SLA: variants seen among roughly 807,000 people sequenced by gnomAD.
SLA encodes the protein Src like adaptor.
SLA carries 16 observed loss-of-function variants against 30.3 expected under a neutral mutation model. That is an observed-to-expected ratio of 0.53 (90% CI 0.36 to 0.80). The LOEUF (loss-of-function observed/expected upper bound fraction) is 0.80, where lower values mean the gene tolerates loss of function less well. SLA is among the 30% of genes least tolerant of loss of function. The probability of loss-of-function intolerance (pLI) is 0.01; values close to 1 mark genes in which losing one functional copy is unlikely to be tolerated. For missense variants in SLA, 310 were observed against 345.2 expected (o/e 0.90, Z 0.81); for synonymous variants, 143 against 137.8 (o/e 1.04, Z -0.26).
At chr8:133,043,857 G>A (rs1047733792) in intron 7 of SLA, among the ~76,000 whole-genome samples, 1 of 152,198 alleles carries the variant, frequency 6.6e-6, no homozygotes, top group Non-Finnish European at 1.5e-5. Flanking sequence ...ACCCAGAAGG[G>A]GGAAGATGCT....
chr8:133,042,678 CTTTTTTTTTTTTTTTTTT>C (rs58739514), intron 7 of SLA, among the ~76,000 whole-genome samples: 6 of 56,732 alleles, frequency 1.1e-4, no homozygotes, highest in African/African-American at 1.4e-4. Context: ...CATTCTGTGT[CTTTTTTTTTTTTTTTTTT>C]TTTTTTTTTT....
intron 2 of SLA, among the ~76,000 whole-genome samples, chr8:133,062,030 C>G (rs867376116): frequency 6.6e-6 from 1 of 152,214 alleles, no homozygotes; most frequent in Non-Finnish European, 1.5e-5. Flanking sequence ...AAGACAATGA[C>G]CAGGCTCGCA....
At position 133,038,542 on chromosome 8, in the gene SLA, T is replaced by A; in HGVS notation, c.813A>T (p.Pro271=). 1.9e-6 allele frequency: 3 copies of A among 1,612,696 alleles called. No homozygotes were observed. The highest frequency in any genetic ancestry group is 1.7e-6 in the Non-Finnish European group (2 of 1,178,722). ...SKRKSSFFSS[P]PYFED is the part of the protein sequence containing the mutation. The stretch of plus-strand genomic sequence containing the variant: ...TTCTTGGCTAGTCCTCAAAGTAAGG[T>A]GGTGATGAGAAGAATGAGCTCTTTC... The change falls in exon 9 of 9, where the codon CCA becomes CCT. Residue 271 remains proline (P), a synonymous_variant. Transcript: ENST00000338087.
chr8:133,090,852 C>T (rs1298175140), intron 1 of SLA, among the ~76,000 whole-genome samples: 2 of 152,160 alleles, frequency 1.3e-5, no homozygotes, highest in African/African-American at 4.8e-5. Flanking sequence ...GAGCTTTTTA[C>T]TTTGCTTTGG....
chr8:133,049,065 C>G (rs989298160), intron 5 of SLA: 6 of 436,928 alleles, frequency 1.4e-5, no homozygotes, highest in African/African-American at 1.0e-4. Flanking sequence ...TAATGTAACT[C>G]CAGGAGGTGA....
At chr8:133,091,370 G>A (rs972531292) in intron 1 of SLA, among the ~76,000 whole-genome samples, 10 of 152,210 alleles carry the variant, frequency 6.6e-5, no homozygotes, top group African/African-American at 1.4e-4. Flanking sequence ...AGGCGTGCCA[G>A]GAGGGAGGCG....
intron 8 of SLA, among the ~76,000 whole-genome samples, chr8:133,039,122 G>T (rs1274573663): frequency 6.6e-6 from 1 of 152,138 alleles, no homozygotes; most frequent in African/African-American, 2.4e-5. Flanking sequence ...TAGGTGATCT[G>T]CCCACCTCAG....
At chr8:133,057,961 A>G (rs574478646) in intron 3 of SLA, among the ~76,000 whole-genome samples, 1 of 152,208 alleles carries the variant, frequency 6.6e-6, no homozygotes, top group African/African-American at 2.4e-5. Context: ...CCTCTCTGGC[A>G]CTGAAGCTAA....
intron 1 of SLA, among the ~76,000 whole-genome samples, chr8:133,079,429 C>T (rs1283593328): frequency 6.6e-6 from 1 of 152,170 alleles, no homozygotes; most frequent in African/African-American, 2.4e-5. Flanking sequence ...TAAAAACTAG[C>T]TTTACATACT....
At chr8:133,062,184 G>C (rs1245957428) in intron 2 of SLA, among the ~76,000 whole-genome samples, 1 of 152,098 alleles carries the variant, frequency 6.6e-6, no homozygotes, top group Non-Finnish European at 1.5e-5. Context: ...TGAGGCTCGG[G>C]CCCTTCTTTC....
At chr8:133,081,281 C>T (rs1845702486) in intron 1 of SLA, among the ~76,000 whole-genome samples, 1 of 152,226 alleles carries the variant, frequency 6.6e-6, no homozygotes, top group African/African-American at 2.4e-5. Context: ...AAGATGTGAT[C>T]CGTAACTATC....
At chr8:133,090,961 G>A (rs911150188) in intron 1 of SLA, among the ~76,000 whole-genome samples, 2 of 152,110 alleles carry the variant, frequency 1.3e-5, no homozygotes, top group Non-Finnish European at 2.9e-5. Flanking sequence ...TGCAGCCTAG[G>A]CTCAAATCCT....
At chr8:133,061,261 G>A (rs1317133233) in intron 2 of SLA, among the ~76,000 whole-genome samples, 1 of 152,276 alleles carries the variant, frequency 6.6e-6, no homozygotes, top group Admixed American at 6.5e-5. Context: ...TACCTGCCTT[G>A]GCCTCCCAAT....
At chr8:133,054,509 G>T (rs1475384066) in intron 3 of SLA, among the ~76,000 whole-genome samples, 1 of 152,190 alleles carries the variant, frequency 6.6e-6, no homozygotes, top group Non-Finnish European at 1.5e-5. Flanking sequence ...ATAGGATTGA[G>T]TGAAGGATTC....
At position 133,100,259 on chromosome 8, in the gene SLA, C is replaced by G. The variant is rs138742229; in HGVS notation, c.-319+2294G>C. Among the ~76,000 whole-genome samples the G allele has an allele frequency of 2.9e-3, 445 of 152,302 alleles. 4 individuals are homozygous for G. The highest frequency in any genetic ancestry group is 0.021 in the East Asian group (108 of 5,188). On this transcript the variant is annotated intron_variant, in intron 1 of 8. Transcript: ENST00000338087. ...TTCAGGGTCTGCTTATCAGAAAGAC[C>G]TTGCTTGACCACTTGGATTCAGAGG...
At position 133,060,181 on chromosome 8, in the gene SLA, C is replaced by T. The variant is rs372976147; in HGVS notation, c.-21G>A. 22 of 1,612,868 alleles carry T rather than the reference C, an allele frequency of 1.4e-5. No individual in the cohort carries two copies. In the African/African-American group the frequency reaches 2.4e-4, roughly 18 times the overall value. ...CCCATTTCTTTCTTTTTCCCTGGGG[C>T]CGCTGGTGATGCCCAGAGCCTGTGG... On this transcript the variant is annotated 5_prime_UTR_variant, in exon 3 of 9. Transcript: ENST00000338087.
At chr8:133,046,733 G>A (rs1041401031) in intron 6 of SLA, among the ~76,000 whole-genome samples, 4 of 152,220 alleles carry the variant, frequency 2.6e-5, no homozygotes, top group African/African-American at 9.6e-5. Flanking sequence ...GGCACAGGAT[G>A]TTTTGCTTTT....
At chr8:133,052,772 C>A (rs939843141) in intron 3 of SLA, among the ~76,000 whole-genome samples, 1 of 152,194 alleles carries the variant, frequency 6.6e-6, no homozygotes, top group Admixed American at 6.5e-5. Context: ...CAGACCCCAG[C>A]AAGGTGCTGT....
At chr8:133,075,447 G>C (rs897632250) in intron 1 of SLA, among the ~76,000 whole-genome samples, 7 of 152,122 alleles carry the variant, frequency 4.6e-5, no homozygotes, top group Non-Finnish European at 1.0e-4. Context: ...CAATGTGTGC[G>C]TCAAGGGAAA....
Sources: allele counts gnomAD v4.1 joint callset (sites outside exome capture counted in the v4.1 genomes callset), GRCh38; gene constraint gnomAD v4.1.1; transcripts MANE v1.5; gene names NCBI Gene and HGNC (gene_info 2026-07-23, HGNC 2026-07-21).